BDNF: variants seen among roughly 807,000 people sequenced by gnomAD.
BDNF encodes the protein brain derived neurotrophic factor.
BDNF carries 1 observed loss-of-function variant against 19.5 expected under a neutral mutation model. The observed-to-expected ratio is 0.05, with a 90% CI of 0.02 to 0.24. The LOEUF (loss-of-function observed/expected upper bound fraction) is 0.24. Among genes scored for constraint, BDNF ranks in the 10% least tolerant of loss-of-function variants. The pLI, the probability that BDNF is intolerant of heterozygous loss-of-function variation, is 1.00. For synonymous variants in BDNF, 100 were observed against 121.6 expected (o/e 0.82, Z 1.17); for missense variants, 195 against 317.6 (o/e 0.61, Z 2.93).
At chr11:27,701,404 A>T, upstream of BDNF, 1 of 1,035,804 alleles carries the variant, frequency 9.7e-7, no homozygotes. Flanking sequence ...CCTTCGCTTA[A>T]TTAAAGGGGG....
chr11:27,674,331 T>C, intron 1 of BDNF: 1 of 1,544,214 alleles, frequency 6.5e-7, no homozygotes, highest in South Asian at 1.2e-5. Context: ...ATAATTTCTT[T>C]TAATTACTTA....
At chr11:27,719,900 A>T (rs1297966461) in intron 1 of BDNF, among the ~76,000 whole-genome samples, 1 of 151,556 alleles carries the variant, frequency 6.6e-6, no homozygotes, top group African/African-American at 2.4e-5. Flanking sequence ...CCCAACCTCC[A>T]CCTCCTCTCC....
chr11:27,655,735 T>TGCA lies in BDNF; in HGVS notation c.*2083_*2085dup, dbSNP rs1251074718. 6.6e-6 allele frequency: 1 copy of TGCA among 152,198 alleles called. No individual in the cohort carries two copies. Among genetic ancestry groups the TGCA allele is most frequent in the Non-Finnish European group, 1.5e-5 (1 of 68,052 alleles). 9.4% of individuals were successfully genotyped at this position (152,198 alleles called of 1,614,324 possible). On this transcript the variant is annotated 3_prime_UTR_variant, in exon 2 of 2. Coordinates refer to ENST00000356660, the MANE Select transcript of BDNF (RefSeq NM_001709.5). ...TTGCTTATCCCTCACCCTACTAAGA[T>TGCA]GCAGCAATTGCTTGGGGCTTTCTGA...
At chr11:27,693,042 T>C (rs1858508917) in intron 1 of BDNF, among the ~76,000 whole-genome samples, 1 of 152,196 alleles carries the variant, frequency 6.6e-6, no homozygotes. Flanking sequence ...CCCTCAACCA[T>C]TGCTCACATG....
intron 1 of BDNF, among the ~76,000 whole-genome samples, chr11:27,693,316 AT>A (rs1858546890): frequency 6.6e-6 from 1 of 152,204 alleles, no homozygotes; most frequent in African/African-American, 2.4e-5. Context: ...AATTTAAAAC[AT>A]TCAAGCTTCC....
chr11:27,686,602 A>T (rs1005015675), intron 1 of BDNF, among the ~76,000 whole-genome samples: 1 of 152,154 alleles, frequency 6.6e-6, no homozygotes. Flanking sequence ...GGTGGTGACA[A>T]AATCTCTCAG....
chr11:27,708,915 G>T (rs1010274810), intron 1 of BDNF, among the ~76,000 whole-genome samples: 3 of 139,638 alleles, frequency 2.1e-5, no homozygotes, highest in Non-Finnish European at 4.5e-5. Flanking sequence ...TGCAACCTCT[G>T]CCTCCTGGGT....
intron 1 of BDNF, among the ~76,000 whole-genome samples, chr11:27,683,389 G>C (rs1857090695): frequency 6.6e-6 from 1 of 152,054 alleles, no homozygotes; most frequent in South Asian, 2.1e-4. Flanking sequence ...TTCTTTTGCT[G>C]TGCAGAAGCT....
At chr11:27,712,270 T>A (rs1860356526) in intron 1 of BDNF, among the ~76,000 whole-genome samples, 1 of 152,242 alleles carries the variant, frequency 6.6e-6, no homozygotes, top group African/African-American at 2.4e-5. Context: ...AGTACTTGCA[T>A]GCTTTCTCAC....
upstream of BDNF, among the ~76,000 whole-genome samples, chr11:27,703,293 T>A (rs1252355335): frequency 6.6e-6 from 1 of 151,964 alleles, no homozygotes; most frequent in African/African-American, 2.4e-5. Context: ...GTTATACATT[T>A]AAAAAAAATA....
chr11:27,711,142 G>A (rs1046657818), intron 1 of BDNF, among the ~76,000 whole-genome samples: 5 of 152,156 alleles, frequency 3.3e-5, no homozygotes, highest in African/African-American at 9.7e-5. Context: ...TATTGGCTCT[G>A]CTAATTTAAG....
rs1554929034 is a variant in BDNF at position 27,655,075 on chromosome 11, ATTG to A, written c.*2743_*2745del. ...ATAAATATACTAAAATACAATAAAT[ATTG>A]TTTTTTGTTTTACATGGTGAATAAT... On this transcript the variant is annotated 3_prime_UTR_variant, in exon 2 of 2. Coordinates refer to ENST00000356660, the MANE Select transcript of BDNF (RefSeq NM_001709.5). 6.6e-6 allele frequency: 1 copy of A among 152,240 alleles called. No homozygotes were observed. The highest frequency in any genetic ancestry group is 1.5e-5 in the Non-Finnish European group (1 of 68,006). 9.4% of individuals were successfully genotyped at this position (152,240 alleles called of 1,614,324 possible). A position where few individuals can be genotyped will look rare whatever the true frequency, so the allele number is the denominator to read the frequency against.
chr11:27,658,843 A>G lies in BDNF; in HGVS notation c.-21-258T>C, dbSNP rs1852932627. 5.9e-6 allele frequency: 8 copies of G among 1,344,998 alleles called. No homozygotes were observed. The highest frequency in any genetic ancestry group is 7.7e-6 in the Non-Finnish European group (8 of 1,041,842). The allele number at this position is 1,344,998 out of a possible 1,614,324, so 83.3% of individuals were successfully genotyped here. ...ACCTGAGATTAGATGGCTTCTAAGC[A>G]AGTGCAAAAATTGTGGCTTCAAGTT... On this transcript the variant is annotated intron_variant, in intron 1 of 1. Transcript: ENST00000356660. The surrounding 1 kb of genome is among the most constrained non-coding windows in gnomAD (Gnocchi z 5.7).
intron 1 of BDNF, among the ~76,000 whole-genome samples, chr11:27,718,673 C>A (rs926025337): frequency 6.6e-6 from 1 of 151,548 alleles, no homozygotes; most frequent in Admixed American, 6.6e-5. Flanking sequence ...GTAAACCCTG[C>A]CCTACGCTCC....
At chr11:27,710,848 A>G (rs1234609871) in intron 1 of BDNF, among the ~76,000 whole-genome samples, 5 of 152,216 alleles carry the variant, frequency 3.3e-5, no homozygotes, top group Non-Finnish European at 7.4e-5. Context: ...TCAGAAGTCA[A>G]CTAACTTGGA....
intron 1 of BDNF, among the ~76,000 whole-genome samples, chr11:27,718,354 A>ACCCCCACC (rs1860600671): frequency 9.9e-6 from 1 of 101,112 alleles, no homozygotes. Context: ...TCCGCACACC[A>ACCCCCACC]CCCCCCCCCG....
chr11:27,671,941 A>G (rs1855451266), intron 1 of BDNF, among the ~76,000 whole-genome samples: 1 of 152,194 alleles, frequency 6.6e-6, no homozygotes, highest in Non-Finnish European at 1.5e-5. Flanking sequence ...TAAGGAAATA[A>G]AAGGTTGAAG....
chr11:27,698,967 C>CAA (rs1859537850), intron 1 of BDNF, among the ~76,000 whole-genome samples: 1 of 152,140 alleles, frequency 6.6e-6, no homozygotes, highest in African/African-American at 2.4e-5. Context: ...AACGAGGAGT[C>CAA]AAAATCCACC....
At chr11:27,720,253 A>T in intron 1 of BDNF, 1 of 873,978 alleles carries the variant, frequency 1.1e-6, no homozygotes, top group Non-Finnish European at 1.4e-6. Context: ...CTCTCCCTCT[A>T]CCTCCTCCCC....
Sources: gnomAD v4.1 joint callset for allele counts (sites outside exome capture counted in the v4.1 genomes callset) on GRCh38, gnomAD v4.1.1 for gene constraint, Gnocchi (gnomAD v3.1) non-coding constraint, MANE v1.5 for transcripts, NCBI Gene and HGNC (gene_info 2026-07-23, HGNC 2026-07-21) for gene names.